MGAT5: variants seen among roughly 807,000 people sequenced by gnomAD.
MGAT5 encodes alpha-1,6-mannosylglycoprotein 6-beta-N-acetylglucosaminyltransferase, also known as alpha-1,6-mannosylglycoprotein 6-beta-N-acetylglucosaminyltransferase A.
In MGAT5, 30 loss-of-function variants were observed where a neutral mutation model predicts 94.3. The ratio of observed to expected loss-of-function variants is 0.32; its 90% CI spans 0.24 to 0.43. The LOEUF (loss-of-function observed/expected upper bound fraction) is 0.43. MGAT5 is among the 20% of genes least tolerant of loss of function. The pLI is 1.00. For missense variants in MGAT5, 691 were observed against 905.5 expected (o/e 0.76, Z 3.04); for synonymous variants, 310 against 322.9 (o/e 0.96, Z 0.43).
In MGAT5 at chr2:134,452,087, A is replaced by G. The variant is rs1686137345; in HGVS notation, c.*3240A>G. On this transcript the variant is annotated 3_prime_UTR_variant, in exon 16 of 16. Coordinates refer to ENST00000281923, the MANE Select transcript of MGAT5 (RefSeq NM_002410.5). ...GCAATAGCAGACTCCTCCAGCTAAG[A>G]GACAGGACATGTTCTTGAGCCACTG... The G allele has an allele frequency of 6.6e-6, 1 of 152,176 alleles. No homozygotes were observed. Among genetic ancestry groups the G allele is most frequent in the South Asian group, 2.1e-4 (1 of 4,826 alleles). 9.4% of individuals were successfully genotyped at this position (152,176 alleles called of 1,614,324 possible).
intron 14 of MGAT5, among the ~76,000 whole-genome samples, chr2:134,440,883 T>C (rs1390552763): frequency 1.3e-5 from 2 of 152,198 alleles, no homozygotes; most frequent in Non-Finnish European, 2.9e-5. Flanking sequence ...GTAAATAATT[T>C]ATCTTATTTG....
chr2:134,428,429 T>C lies in MGAT5; in HGVS notation c.1859T>C (p.Ile620Thr). 2 of 1,613,962 alleles carry C rather than the reference T, an allele frequency of 1.2e-6. No individual in the cohort carries two copies. Among genetic ancestry groups the C allele is most frequent in the Non-Finnish European group, 1.7e-6 (2 of 1,179,924 alleles). Reference sequence around the variant, plus strand: ...ATGCTACAGAGAATCAATGCTTTCATTGAAAAACAGGTAAGGCTTATCAGA... The same window carrying C: ...ATGCTACAGAGAATCAATGCTTTCACTGAAAAACAGGTAAGGCTTATCAGA... Reference protein sequence around the residue: ...EGMLQRINAFIEKQDFCHGQV... With the variant: ...EGMLQRINAFTEKQDFCHGQV... Residue 620 changes from isoleucine (I) to threonine (T), a missense_variant, in exon 14 of 16, where the codon ATT (isoleucine) becomes ACT (threonine). Around this residue, in one of 4 missense-constraint regions of MGAT5, gnomAD observed 260 missense variants for 347.0 expected, o/e 0.75. Coordinates refer to ENST00000281923, the MANE Select transcript of MGAT5 (RefSeq NM_002410.5).
intron 10 of MGAT5, among the ~76,000 whole-genome samples, chr2:134,401,286 A>T (rs1200749748): frequency 6.6e-6 from 1 of 151,910 alleles, no homozygotes; most frequent in African/African-American, 2.4e-5. Flanking sequence ...AATTGCCCAG[A>T]CTCCAACGCT....
chr2:134,403,910 T>C (rs1683198695), intron 11 of MGAT5, among the ~76,000 whole-genome samples: 1 of 152,206 alleles, frequency 6.6e-6, no homozygotes. Flanking sequence ...AGCAGTAGCA[T>C]GATGACGTGT....
intron 1 of MGAT5, among the ~76,000 whole-genome samples, chr2:134,130,147 A>G (rs1049708562): frequency 6.6e-6 from 1 of 151,184 alleles, no homozygotes. Context: ...GCCTGGCCTC[A>G]GCCATCTTCC....
chr2:134,301,322 T>A (rs532206335), intron 2 of MGAT5, among the ~76,000 whole-genome samples: 1 of 152,204 alleles, frequency 6.6e-6, no homozygotes, highest in Non-Finnish European at 1.5e-5. Context: ...TTATGAATAA[T>A]GCTGCTAGAG....
intron 1 of MGAT5, among the ~76,000 whole-genome samples, chr2:134,182,406 T>G (rs1392973325): frequency 6.6e-6 from 1 of 152,180 alleles, no homozygotes; most frequent in East Asian, 1.9e-4. Context: ...AGGAAACTGG[T>G]GCTCTTTTAA....
chr2:134,163,210 C>T (rs551570472), intron 1 of MGAT5, among the ~76,000 whole-genome samples: 14 of 152,048 alleles, frequency 9.2e-5, no homozygotes, highest in Non-Finnish European at 1.2e-4. Flanking sequence ...AACCTAGCTA[C>T]GATATGGAGA....
At chr2:134,201,534 T>G (rs971003976) in intron 1 of MGAT5, among the ~76,000 whole-genome samples, 1 of 152,142 alleles carries the variant, frequency 6.6e-6, no homozygotes, top group African/African-American at 2.4e-5. Flanking sequence ...AGAAAAGAAG[T>G]CAGCATCTTC....
chr2:134,253,440 C>T (rs1476948560), upstream of MGAT5, among the ~76,000 whole-genome samples: 3 of 152,186 alleles, frequency 2.0e-5, no homozygotes, highest in Non-Finnish European at 4.4e-5. Flanking sequence ...GTGGCCTGGT[C>T]TGTGCTGGCA....
At position 134,336,280 on chromosome 2, in the gene MGAT5, A is replaced by G. The variant is rs1468603448; in HGVS notation, c.637A>G (p.Asn213Asp). ...AAATCCCTACGAAGAAGCTGATCAT[A>G]ATTCATTGGTAAGTGATTTTGGAAA... ...AKNPYEEADH[N>D]SLAEIRTDFN... The change falls in exon 5 of 16, where the codon AAT becomes GAT. Residue 213 changes from asparagine (N) to aspartate (D), a missense_variant. By Grantham distance (23) the Asn-to-Asp change is conservative (BLOSUM62 1). This residue lies in a region of MGAT5 where 307 missense variants were observed against 335.4 expected (regional missense o/e 0.92). Coordinates refer to ENST00000281923, the MANE Select transcript of MGAT5 (RefSeq NM_002410.5). 13 of 1,612,366 alleles carry G rather than the reference A, an allele frequency of 8.1e-6. No homozygotes were observed. Among genetic ancestry groups the G allele is most frequent in the Non-Finnish European group, 1.1e-5 (13 of 1,179,096 alleles).
At chr2:134,418,021 T>C (rs1215277216) in intron 12 of MGAT5, among the ~76,000 whole-genome samples, 1 of 152,046 alleles carries the variant, frequency 6.6e-6, no homozygotes, top group African/African-American at 2.4e-5. Flanking sequence ...AGTTGGCAAC[T>C]GACACACTTT....
At chr2:134,317,484 T>C (rs898533309) in intron 2 of MGAT5, 45 bp from the exon 3 acceptor site, 4 of 1,393,840 alleles carry the variant, frequency 2.9e-6, no homozygotes, top group Non-Finnish European at 3.9e-6. Flanking sequence ...AGGCTTGTGT[T>C]TTATAGATCT....
Position 134,344,913 on chromosome 2 carries a change from T to C in MGAT5, c.978-17T>C, listed in dbSNP as rs201093480. 1.8e-4 allele frequency: 287 copies of C among 1,609,720 alleles called. 1 individual carries two copies. In the African/African-American group the frequency reaches 2.9e-3, roughly 16 times the overall value. On this transcript the variant is annotated splice_polypyrimidine_tract_variant and intron_variant, in intron 7 of 15. Transcript: ENST00000281923. The stretch of plus-strand genomic sequence containing the variant: ...ATTTTTCTCTTTTTTCTCCCCTCTC[T>C]TTTGCCGTTTCTCTAGAATCATGAA...
At chr2:134,159,469 AGTGAACAGCAAACATCT>A (rs1687632944) in intron 1 of MGAT5, among the ~76,000 whole-genome samples, 1 of 152,194 alleles carries the variant, frequency 6.6e-6, no homozygotes, top group Non-Finnish European at 1.5e-5. Context: ...TCTGATTACA[AGTGAACAGCAAACATCT>A]GTCGAGGAGT....
intron 2 of MGAT5, among the ~76,000 whole-genome samples, chr2:134,292,026 C>A (rs1685398499): frequency 6.6e-6 from 1 of 151,638 alleles, no homozygotes; most frequent in Non-Finnish European, 1.5e-5. Context: ...ATGATTATAC[C>A]ATTTTTTTTT....
At chr2:134,310,575 C>G (rs1686589311) in intron 2 of MGAT5, among the ~76,000 whole-genome samples, 1 of 152,156 alleles carries the variant, frequency 6.6e-6, no homozygotes, top group African/African-American at 2.4e-5. Flanking sequence ...CTCTGGGGGT[C>G]CATGAGTGAG....
chr2:134,191,731 CCCTCCT>C (rs530032788), intron 1 of MGAT5, among the ~76,000 whole-genome samples: 3 of 139,298 alleles, frequency 2.2e-5, no homozygotes, highest in African/African-American at 5.4e-5. Context: ...TGGGTTCGCG[CCCTCCT>C]CCTCCTCCTC....
chr2:134,427,281 C>T (rs924570425), intron 13 of MGAT5, among the ~76,000 whole-genome samples: 1 of 152,122 alleles, frequency 6.6e-6, no homozygotes, highest in Non-Finnish European at 1.5e-5. Context: ...GTTGGGCTCC[C>T]TGAAGCAATA....
Sources: gnomAD v4.1 joint callset for allele counts (sites outside exome capture counted in the v4.1 genomes callset) on GRCh38, gnomAD v4.1.1 for gene constraint, gnomAD v4.1.1 regional missense constraint, MANE v1.5 for transcripts, NCBI Gene and HGNC (gene_info 2026-07-23, HGNC 2026-07-21) for gene names.